Variants in NRK observed in about 807,000 individuals in gnomAD.
NRK encodes the protein nik-related protein kinase.
A neutral mutation model predicts 125.2 loss-of-function variants in NRK; 67 were observed. That is an observed-to-expected ratio of 0.54 (90% confidence interval 0.44 to 0.66). NRK has a LOEUF of 0.66. Ranked by LOEUF, NRK falls within the 30% of genes least tolerant of loss-of-function variation. NRK has a pLI of 0.00. For missense variants in NRK, 1,224 were observed against 1,192.9 expected (o/e 1.03, Z -0.38); for synonymous variants, 458 against 429.0 (o/e 1.07, Z -0.84).
At chrX:105,889,617 ATCT>A (rs1179258004) in intron 5 of NRK, among the ~76,000 whole-genome samples, 1 of 112,476 alleles carries the variant, frequency 8.9e-6, no homozygotes, top group African/African-American at 3.2e-5. Context: ...GTTTCCATAC[ATCT>A]TCTGAAATCT....
At chrX:105,904,258 A>G (rs1316097161) in intron 9 of NRK, among the ~76,000 whole-genome samples, 1 of 112,140 alleles carries the variant, frequency 8.9e-6, no homozygotes, top group Non-Finnish European at 1.9e-5. Context: ...CTTTAATCAA[A>G]ACACAAGAGG....
intron 1 of NRK, among the ~76,000 whole-genome samples, chrX:105,828,182 A>T (rs889386761): frequency 8.9e-6 from 1 of 112,209 alleles, no homozygotes; most frequent in Non-Finnish European, 1.9e-5. Flanking sequence ...CAAAAATAGC[A>T]TATAGAACTA....
chrX:105,827,822 A>G (rs1026591206), intron 1 of NRK, among the ~76,000 whole-genome samples: 1 of 112,154 alleles, frequency 8.9e-6, no homozygotes, highest in Admixed American at 9.5e-5. Flanking sequence ...GTATACCCAA[A>G]TGGGACATCA....
At chrX:105,850,517 C>G (rs145761209) in intron 2 of NRK, among the ~76,000 whole-genome samples, 155 of 112,581 alleles carry the variant, frequency 1.4e-3, no homozygotes, top group African/African-American at 4.8e-3. Context: ...GCTGCATCAT[C>G]AGGCTGCAAA....
chrX:105,831,320 A>G (rs1172927855), intron 2 of NRK, among the ~76,000 whole-genome samples: 3 of 112,098 alleles, frequency 2.7e-5, no homozygotes, highest in Non-Finnish European at 5.6e-5. Flanking sequence ...TAGTGTACCA[A>G]CCAACCAAAC....
chrX:105,880,711 C>T (rs1412642874), intron 3 of NRK, among the ~76,000 whole-genome samples: 1 of 111,469 alleles, frequency 9.0e-6, no homozygotes, highest in East Asian at 2.8e-4. Flanking sequence ...CAGAAATGCA[C>T]ATTTTTCATG....
chrX:105,915,094 G>A (rs945551356), intron 14 of NRK, among the ~76,000 whole-genome samples: 1 of 109,271 alleles, frequency 9.2e-6, no homozygotes, highest in Middle Eastern at 4.6e-3. Flanking sequence ...TTAGTAAAAT[G>A]CAAATTAATC....
At position 105,923,154 on chromosome X, in the gene NRK, C is replaced by T. The variant is rs747584820; in HGVS notation, c.2647C>T (p.Pro883Ser). 116 of 1,201,633 alleles carry T rather than the reference C, an allele frequency of 9.7e-5. No individual in the cohort carries two copies. Among genetic ancestry groups the T allele is most frequent in the Non-Finnish European group, 1.3e-4 (115 of 888,395 alleles). Residue 883 changes from proline (P) to serine (S), a missense_variant, in exon 18 of 29, where the codon CCT (proline) becomes TCT (serine). Physicochemically the swap from Pro to Ser is moderately conservative, Grantham distance 74. Transcript: ENST00000243300. Reference sequence around the variant, plus strand: ...ATTTAAAGTAGGAAAAATATCACCCCCTGTATACTTGACAAACGAATGGGT... The same window carrying T: ...ATTTAAAGTAGGAAAAATATCACCCTCTGTATACTTGACAAACGAATGGGT... ...DGFKVGKISP[P>S]VYLTNEWVGY...
At position 105,888,203 on chromosome X, in the gene NRK, G is replaced by A. The variant is rs1555985536; in HGVS notation, c.253-91G>A. The A allele has an allele frequency of 1.4e-5, 10 of 691,699 alleles. No individual in the cohort carries two copies. The South Asian group carries it at 4.3e-4, about 30-fold the overall frequency. The allele number at this position is 691,699 out of a possible 1,213,427, so 57.0% of individuals were successfully genotyped here. ...CTGTTGGATATAATTAGTTGCCATAGGATTCTCCTTCATTGATATACTGTA... is the reference window on the plus strand; with the variant it reads ...CTGTTGGATATAATTAGTTGCCATAAGATTCTCCTTCATTGATATACTGTA... On this transcript the variant is annotated intron_variant, in intron 4 of 28. Coordinates refer to ENST00000243300, the MANE Select transcript of NRK (RefSeq NM_198465.4).
chrX:105,924,373 G>GTA (rs1319955380), intron 18 of NRK, among the ~76,000 whole-genome samples: 1 of 111,486 alleles, frequency 9.0e-6, no homozygotes, highest in African/African-American at 3.3e-5. Context: ...GCATGAAATA[G>GTA]TATATATTTA....
Position 105,884,965 on chromosome X carries a change from A to G in NRK, c.252+3186A>G, listed in dbSNP as rs965304881. On this transcript the variant is annotated intron_variant, in intron 4 of 28. Coordinates refer to ENST00000243300, the MANE Select transcript of NRK (RefSeq NM_198465.4). Reference sequence around the variant, plus strand: ...ACCATCATGCTTGGCTAATTTTTGTACTTTTAGTAGAGATGGGGTTCCACC... The same window carrying G: ...ACCATCATGCTTGGCTAATTTTTGTGCTTTTAGTAGAGATGGGGTTCCACC... Among the ~76,000 whole-genome samples the G allele has an allele frequency of 1.7e-4, 19 of 110,502 alleles. 1 individual carries two copies. The Admixed American group carries it at 1.8e-3, about 11-fold the overall frequency.
chrX:105,859,994 T>C (rs2039581193), intron 2 of NRK, among the ~76,000 whole-genome samples: 2 of 112,122 alleles, frequency 1.8e-5, no homozygotes, highest in South Asian at 7.4e-4. Flanking sequence ...TCTCACCCAG[T>C]ACCTTGCCTT....
rs759103732 is a variant in NRK, at chrX:105,945,872, G to C, written c.4060G>C (p.Val1354Leu). ...TCTGGCCCTTTTCATTCCCTACCAAGTATGCATTGATCAATCAGCAGACTC... is the reference window on the plus strand; with the variant it reads ...TCTGGCCCTTTTCATTCCCTACCAACTATGCATTGATCAATCAGCAGACTC... ...KSFDESTAIK[V>L]CIDQSADSEG... Residue 1354 changes from valine to leucine, a missense_variant and splice_region_variant, in exon 25 of 29, where the codon GTA becomes CTA. By Grantham distance (32) the Val-to-Leu change is conservative. Transcript: ENST00000243300. 8.3e-7 allele frequency: 1 copy of C among 1,207,008 alleles called. No individual in the cohort carries two copies. Among genetic ancestry groups the C allele is most frequent in the Non-Finnish European group, 1.1e-6 (1 of 891,735 alleles).
At chrX:105,853,516 C>T (rs1053135199) in intron 2 of NRK, among the ~76,000 whole-genome samples, 11 of 111,571 alleles carry the variant, frequency 9.9e-5, no homozygotes, top group South Asian at 7.4e-4. Context: ...TGTGCACACG[C>T]GCAAGCACAC....
In NRK at chrX:105,923,159, A is replaced by G. The variant is rs776851194; in HGVS notation, c.2652A>G (p.Val884=). The G allele has an allele frequency of 5.0e-6, 6 of 1,200,677 alleles. No individual in the cohort carries two copies. The East Asian group carries it at 8.9e-5, about 18-fold the overall frequency. ...AAGTAGGAAAAATATCACCCCCTGT[A>G]TACTTGACAAACGAATGGGTAGGCT... ...GFKVGKISPP[V]YLTNEWVGYN... Residue 884 remains valine, a synonymous_variant, in exon 18 of 29, where the codon GTA becomes GTG. Transcript: ENST00000243300.
At chrX:105,917,331 T>C (rs901491739) in intron 15 of NRK, among the ~76,000 whole-genome samples, 2 of 111,125 alleles carry the variant, frequency 1.8e-5, no homozygotes, top group Non-Finnish European at 3.8e-5. Flanking sequence ...TTAATATATA[T>C]ATAAAGGAAA....
chrX:105,941,545 G>A (rs2040740414), intron 23 of NRK, among the ~76,000 whole-genome samples: 1 of 94,964 alleles, frequency 1.1e-5, no homozygotes, highest in South Asian at 5.3e-4. Flanking sequence ...TAGACCCAGA[G>A]AGAGACAGAA....
chrX:105,923,783 C>T (rs1156264015), intron 18 of NRK, among the ~76,000 whole-genome samples: 1 of 105,412 alleles, frequency 9.5e-6, no homozygotes, highest in Non-Finnish European at 1.9e-5. Context: ...TAAAACTATA[C>T]TGAGTATGAG....
In NRK at chrX:105,909,321, G is replaced by A. The variant is rs1325626038; in HGVS notation, c.1680G>A (p.Glu560=). ...LEQNQAPEQP[E]VQEQAAEPAQ... The stretch of plus-strand genomic sequence containing the variant: ...AGAACCAGGCACCTGAACAGCCAGA[G>A]GTACAGGAACAGGCTGCCGAGCCTG... Residue 560 remains glutamate (E), a synonymous_variant, in exon 13 of 29, where the codon GAG becomes GAA. Transcript: ENST00000243300. The A allele has an allele frequency of 8.3e-7, 1 of 1,206,257 alleles. No individual in the cohort carries two copies. Among genetic ancestry groups the A allele is most frequent in the Admixed American group, 2.2e-5 (1 of 45,536 alleles).
Sources: allele counts gnomAD v4.1 joint callset (sites outside exome capture counted in the v4.1 genomes callset), GRCh38; gene constraint gnomAD v4.1.1; transcripts MANE v1.5; gene names NCBI Gene and HGNC (gene_info 2026-07-23, HGNC 2026-07-21).